Variants in PTK2 observed in about 807,000 individuals in gnomAD.
The protein encoded by PTK2 is protein tyrosine kinase 2.
Under a neutral mutation model 150.1 loss-of-function variants are expected in PTK2, and 45 were observed. That is an observed-to-expected ratio of 0.30 (90% CI 0.24 to 0.38). PTK2 has a LOEUF of 0.38. Ranked by LOEUF, PTK2 falls within the 10% of genes least tolerant of loss-of-function variation. The pLI is 1.00. For synonymous variants in PTK2, 432 were observed against 449.2 expected, an observed-to-expected ratio of 0.96 and a Z score of 0.48; for missense variants, 919 against 1,307.3, an observed-to-expected ratio of 0.70 and a Z score of 4.58.
At chr8:140,869,130 C>T (rs1599583778) in intron 4 of PTK2, among the ~76,000 whole-genome samples, 1 of 148,658 alleles carries the variant, frequency 6.7e-6, no homozygotes, top group East Asian at 2.0e-4. Context: ...CCCCCCCAAC[C>T]CATACACACA....
intron 15 of PTK2, among the ~76,000 whole-genome samples, chr8:140,762,727 C>T (rs1205051892): frequency 6.6e-6 from 1 of 151,790 alleles, no homozygotes; most frequent in Non-Finnish European, 1.5e-5. Flanking sequence ...CAGGAATGTA[C>T]AAGTGTCTAT....
chr8:140,779,833 C>G (rs1021842040), intron 14 of PTK2, among the ~76,000 whole-genome samples: 8 of 152,124 alleles, frequency 5.3e-5, no homozygotes, highest in African/African-American at 1.9e-4. Flanking sequence ...GACCATACCT[C>G]TCAATTCTAT....
intron 14 of PTK2, among the ~76,000 whole-genome samples, chr8:140,779,294 G>A (rs1310298930): frequency 6.6e-6 from 1 of 150,650 alleles, no homozygotes; most frequent in Non-Finnish European, 1.5e-5. Context: ...TGGAGGAATT[G>A]CCTACCATGA....
rs745699561 is a variant in PTK2, at chr8:140,818,228, A to C, written c.867+49T>G. On this transcript the variant is annotated intron_variant, in intron 10 of 31. Transcript: ENST00000522684. ...AAGAATGCCCCATTTCCTTAATTTG[A>C]TTCTTCTTTGTGTAACGCCAAGTTC... is the stretch of plus-strand genomic sequence containing the variant. 8 of 1,493,342 alleles carry C rather than the reference A, an allele frequency of 5.4e-6. No individual in the cohort carries two copies. The African/African-American group carries it at 9.7e-5, about 18-fold the overall frequency. 92.5% of individuals were successfully genotyped at this position (1,493,342 alleles called of 1,614,324 possible). A position where few individuals can be genotyped will look rare whatever the true frequency, so the allele number is the denominator to read the frequency against.
intron 17 of PTK2, among the ~76,000 whole-genome samples, chr8:140,751,732 T>G (rs945986881): frequency 2.0e-5 from 3 of 152,208 alleles, no homozygotes; most frequent in African/African-American, 7.2e-5. Context: ...CCTCAGGTGA[T>G]CTGCCTGCCT....
At chr8:140,818,609 A>T (rs2100106193) in intron 9 of PTK2, among the ~76,000 whole-genome samples, 1 of 152,220 alleles carries the variant, frequency 6.6e-6, no homozygotes, top group African/African-American at 2.4e-5. Context: ...AAATAGGTAA[A>T]CTAGCCCTTA....
intron 22 of PTK2, among the ~76,000 whole-genome samples, chr8:140,729,633 C>G (rs1348742797): frequency 6.6e-6 from 1 of 152,200 alleles, no homozygotes; most frequent in Non-Finnish European, 1.5e-5. Flanking sequence ...TGTAAGAAAA[C>G]AAGCTGCAGG....
chr8:140,917,441 CATTT>C (rs2100165737), intron 2 of PTK2, among the ~76,000 whole-genome samples: 1 of 152,078 alleles, frequency 6.6e-6, no homozygotes, highest in Non-Finnish European at 1.5e-5. Context: ...AGCATTCATT[CATTT>C]ATTAGCCACC....
At chr8:140,691,497 C>T (rs2100023205) in intron 26 of PTK2, among the ~76,000 whole-genome samples, 1 of 152,300 alleles carries the variant, frequency 6.6e-6, no homozygotes, top group African/African-American at 2.4e-5. Context: ...CTCCTCTCCT[C>T]CTCCCTTTCC....
At chr8:140,829,498 T>C (rs1484618658) in intron 8 of PTK2, among the ~76,000 whole-genome samples, 3 of 152,200 alleles carry the variant, frequency 2.0e-5, no homozygotes, top group African/African-American at 7.2e-5. Context: ...ATCCTCTTAT[T>C]AATCTCGTGT....
At chr8:140,863,860 A>T (rs1045025446) in intron 5 of PTK2, among the ~76,000 whole-genome samples, 12 of 152,194 alleles carry the variant, frequency 7.9e-5, no homozygotes, top group African/African-American at 2.7e-4. Context: ...TAATGACAAA[A>T]TTATATGTAC....
intron 16 of PTK2, among the ~76,000 whole-genome samples, chr8:140,753,890 A>G (rs756312968): frequency 4.0e-4 from 61 of 152,228 alleles, no homozygotes; most frequent in Non-Finnish European, 8.2e-4. Context: ...GAATTAATTA[A>G]TGCTATTAAT....
chr8:140,890,809 G>T, intron 2 of PTK2, 40 bp from the exon 3 acceptor site: 3 of 1,509,470 alleles, frequency 2.0e-6, no homozygotes, highest in Non-Finnish European at 2.8e-6. Flanking sequence ...TATAATACTT[G>T]AAATCTACCA....
intron 5 of PTK2, among the ~76,000 whole-genome samples, chr8:140,849,126 C>T (rs906229000): frequency 2.0e-5 from 3 of 152,118 alleles, no homozygotes; most frequent in African/African-American, 2.4e-5. Context: ...GCTTTAATCT[C>T]GATTATCAGA....
chr8:140,703,567 T>C (rs577258197), intron 24 of PTK2, among the ~76,000 whole-genome samples: 1 of 152,064 alleles, frequency 6.6e-6, no homozygotes, highest in African/African-American at 2.4e-5. Flanking sequence ...GAAATCCCCT[T>C]TCCTGCCCAA....
At chr8:140,674,566 C>T (rs1044959249) in intron 28 of PTK2, among the ~76,000 whole-genome samples, 162 bp from the exon 32 acceptor site, 1 of 151,994 alleles carries the variant, frequency 6.6e-6, no homozygotes, top group Non-Finnish European at 1.5e-5. Flanking sequence ...ATGGAGAAAC[C>T]CCATCTCTAC....
At chr8:140,679,999 C>G (rs1179238266) in intron 27 of PTK2, among the ~76,000 whole-genome samples, 2 of 152,160 alleles carry the variant, frequency 1.3e-5, no homozygotes, top group Non-Finnish European at 2.9e-5. Flanking sequence ...AGGCTGGCTA[C>G]CGGTGCATAA....
rs574714273 is a variant in PTK2, at chr8:140,693,219, A to T, written c.2500-6525T>A. ...TTTCAGAGTATATTTGCAGGCACAGAACTATTTCAGAAAGGACAGTATCTG... is the reference window on the plus strand; with the variant it reads ...TTTCAGAGTATATTTGCAGGCACAGTACTATTTCAGAAAGGACAGTATCTG... On this transcript the variant is annotated intron_variant, in intron 26 of 31. Coordinates refer to ENST00000522684, the Ensembl canonical transcript of PTK2. Among the ~76,000 whole-genome samples, 441 of 149,814 alleles carry T rather than the reference A, an allele frequency of 2.9e-3. 4 individuals are homozygous for T. Among genetic ancestry groups the T allele is most frequent in the African/African-American group, 0.01 (428 of 41,400 alleles).
chr8:140,755,343 T>A (rs1230967055), intron 16 of PTK2, among the ~76,000 whole-genome samples: 1 of 152,208 alleles, frequency 6.6e-6, no homozygotes, highest in Non-Finnish European at 1.5e-5. Flanking sequence ...AAGGTTCACA[T>A]GGCCCCACAC....
Sources: allele counts gnomAD v4.1 joint callset (sites outside exome capture counted in the v4.1 genomes callset), GRCh38; gene constraint gnomAD v4.1.1; transcripts MANE v1.5; gene names NCBI Gene and HGNC (gene_info 2026-07-23, HGNC 2026-07-21).